Variants in ITPR2 observed in about 807,000 individuals in gnomAD.
The protein encoded by ITPR2 is inositol 1,4,5-trisphosphate receptor type 2, also known as inositol 1,4,5-trisphosphate-gated calcium channel ITPR2.
In ITPR2, 207 loss-of-function variants were observed where a neutral mutation model predicts 317.1. The observed-to-expected ratio is 0.65, with a 90% CI of 0.58 to 0.73. The LOEUF (loss-of-function observed/expected upper bound fraction) is 0.73. Ranked by LOEUF, ITPR2 falls within the 30% of genes least tolerant of loss-of-function variation. The pLI is 0.00. For missense variants in ITPR2, 2,613 were observed against 3,284.0 expected (o/e 0.80, Z 4.99); for synonymous variants, 1,156 against 1,149.1 (o/e 1.01, Z -0.12).
At chr12:26,385,041 C>T (rs1168146516) in intron 55 of ITPR2, among the ~76,000 whole-genome samples, 1 of 152,184 alleles carries the variant, frequency 6.6e-6, no homozygotes, top group Non-Finnish European at 1.5e-5. Context: ...GAGGCACTTT[C>T]TACACATCAT....
intron 26 of ITPR2, among the ~76,000 whole-genome samples, chr12:26,611,711 T>C (rs1227232026): frequency 4.6e-5 from 7 of 152,222 alleles, no homozygotes; most frequent in Non-Finnish European, 8.8e-5. Flanking sequence ...AACTTTCCTC[T>C]GAAGCACTGC....
intron 28 of ITPR2, 76 bp from the exon 29 acceptor site, chr12:26,600,185 C>G: frequency 7.8e-7 from 1 of 1,283,072 alleles, no homozygotes. Flanking sequence ...CTCTCCTTCA[C>G]CCACATACCA....
At chr12:26,576,115 C>A (rs1247993235) in intron 34 of ITPR2, among the ~76,000 whole-genome samples, 2 of 152,182 alleles carry the variant, frequency 1.3e-5, no homozygotes, top group Non-Finnish European at 2.9e-5. Flanking sequence ...CATCATATTT[C>A]TTTGCTTTTC....
Position 26,507,863 on chromosome 12 carries a change from C to CTCTCTGTG in ITPR2, c.5074-12604_5074-12603insCACAGAGA, listed in dbSNP as rs372756412. Among the ~76,000 whole-genome samples the CTCTCTGTG allele has an allele frequency of 2.8e-3, 370 of 132,278 alleles. 1 individual carries two copies. The highest frequency in any genetic ancestry group is 3.9e-3 in the Non-Finnish European group (235 of 60,006). The allele number at this position is 132,278 out of a possible 152,430, so 86.8% of individuals were successfully genotyped here. A position where few individuals can be genotyped will look rare whatever the true frequency, so the allele number is the denominator to read the frequency against. ...TCTCTCTACTCTTCTCTCTCTGTCT[C>CTCTCTGTG]TGTGTGTGTGTGTGTGTGTGTGTGT... On this transcript the variant is annotated intron_variant, in intron 37 of 56. Coordinates refer to ENST00000381340, the MANE Select transcript of ITPR2 (RefSeq NM_002223.4).
chr12:26,380,965 T>C (rs140941966), intron 55 of ITPR2, among the ~76,000 whole-genome samples: 3,405 of 152,308 alleles, frequency 0.022, 61 homozygotes, highest in Non-Finnish European at 0.029. Context: ...ACCTTTCTTT[T>C]TAAGGTCTTA....
chr12:26,342,719 C>A (rs926764269), intron 55 of ITPR2, among the ~76,000 whole-genome samples: 2 of 152,166 alleles, frequency 1.3e-5, no homozygotes, highest in African/African-American at 4.8e-5. Context: ...AAGTGATTCT[C>A]CCGCCTCAGC....
intron 37 of ITPR2, among the ~76,000 whole-genome samples, chr12:26,503,220 C>CACACACACACAG (rs1555143322): frequency 6.6e-6 from 1 of 151,544 alleles, no homozygotes; most frequent in African/African-American, 2.4e-5. Context: ...CACACACACA[C>CACACACACACAG]GGATTAAGTG....
chr12:26,373,061 C>T (rs1939232440), intron 55 of ITPR2, among the ~76,000 whole-genome samples: 1 of 152,174 alleles, frequency 6.6e-6, no homozygotes, highest in Non-Finnish European at 1.5e-5. Context: ...ACTTAACAGC[C>T]AGACAACAGC....
At chr12:26,745,731 T>C (rs1949310219) in intron 2 of ITPR2, among the ~76,000 whole-genome samples, 1 of 152,308 alleles carries the variant, frequency 6.6e-6, no homozygotes, top group Non-Finnish European at 1.5e-5. Context: ...AACACAATTA[T>C]CAAAAAGCAT....
intron 2 of ITPR2, among the ~76,000 whole-genome samples, chr12:26,744,503 G>A (rs1208268656): frequency 3.3e-5 from 5 of 152,134 alleles, no homozygotes; most frequent in Non-Finnish European, 1.5e-5. Context: ...TAGCACTCTT[G>A]GTCACCTTGC....
At chr12:26,805,721 A>G (rs1275537623) in intron 1 of ITPR2, among the ~76,000 whole-genome samples, 2 of 31,110 alleles carry the variant, frequency 6.4e-5, no homozygotes, top group African/African-American at 2.2e-4. Flanking sequence ...GGAAACATAA[A>G]ACACGGCTCT....
chr12:26,477,963 T>C (rs1163304981), intron 43 of ITPR2, among the ~76,000 whole-genome samples: 2 of 152,252 alleles, frequency 1.3e-5, no homozygotes, highest in East Asian at 3.9e-4. Flanking sequence ...CACACAATCT[T>C]TGATAGAAGT....
At chr12:26,821,502 T>C (rs1231409776) in intron 1 of ITPR2, among the ~76,000 whole-genome samples, 1 of 152,222 alleles carries the variant, frequency 6.6e-6, no homozygotes, top group Non-Finnish European at 1.5e-5. Context: ...AAAGCAGCCC[T>C]AGGTTCCTGC....
intron 45 of ITPR2, 26 bp from the exon 46 acceptor site, chr12:26,443,676 T>A: frequency 6.3e-7 from 1 of 1,589,950 alleles, no homozygotes; most frequent in Non-Finnish European, 8.6e-7. Flanking sequence ...AATAAAGGTT[T>A]TAGGTCTTCT....
At chr12:26,613,071 G>C (rs1032478931) in intron 26 of ITPR2, among the ~76,000 whole-genome samples, 1 of 152,118 alleles carries the variant, frequency 6.6e-6, no homozygotes, top group Non-Finnish European at 1.5e-5. Context: ...TTCGTTGAGG[G>C]CAAGTAGAAT....
intron 21 of ITPR2, among the ~76,000 whole-genome samples, chr12:26,636,084 T>C (rs568127968): frequency 6.6e-6 from 1 of 152,332 alleles, no homozygotes; most frequent in South Asian, 2.1e-4. Flanking sequence ...ACGTAGTACA[T>C]ACATGCATGG....
intron 39 of ITPR2, among the ~76,000 whole-genome samples, chr12:26,488,502 T>C (rs1294228600): frequency 6.6e-6 from 1 of 152,160 alleles, no homozygotes; most frequent in Non-Finnish European, 1.5e-5. Context: ...GCAATGTATA[T>C]ACACAGAGTG....
intron 37 of ITPR2, among the ~76,000 whole-genome samples, chr12:26,527,354 T>C (rs1490556989): frequency 6.6e-6 from 1 of 152,208 alleles, no homozygotes; most frequent in Non-Finnish European, 1.5e-5. Context: ...ATGTTTGCTG[T>C]TGTTGATGAT....
intron 37 of ITPR2, among the ~76,000 whole-genome samples, chr12:26,510,004 G>GTGTGTGT (rs1555144482): frequency 1.7e-3 from 186 of 112,076 alleles, no homozygotes; most frequent in Middle Eastern, 4.7e-3. Flanking sequence ...GTGTGTGTGT[G>GTGTGTGT]GTGGGGGGTG....
Sources: allele counts gnomAD v4.1 joint callset (sites outside exome capture counted in the v4.1 genomes callset), GRCh38; gene constraint gnomAD v4.1.1; transcripts MANE v1.5; gene names NCBI Gene and HGNC (gene_info 2026-07-23, HGNC 2026-07-21).